The following HIPK2 variants were observed in gnomAD, a reference collection of about 807,000 sequenced individuals.
HIPK2 encodes homeodomain interacting protein kinase 2.
Under a neutral mutation model 113.7 loss-of-function variants are expected in HIPK2, and 27 were observed. The ratio of observed to expected loss-of-function variants is 0.24; its 90% CI spans 0.17 to 0.33. The LOEUF is 0.33. HIPK2 is among the 10% of genes least tolerant of loss of function. The probability of loss-of-function intolerance (pLI) is 1.00; values close to 1 mark genes in which losing one functional copy is unlikely to be tolerated. For synonymous variants in HIPK2, 631 were observed against 642.2 expected, an observed-to-expected ratio of 0.98 and a Z score of 0.26; for missense variants, 1,257 against 1,588.0, an observed-to-expected ratio of 0.79 and a Z score of 3.54.
chr7:139,685,563 T>A (rs1377507314), intron 2 of HIPK2, among the ~76,000 whole-genome samples: 1 of 152,190 alleles, frequency 6.6e-6, no homozygotes, highest in Admixed American at 6.5e-5. Flanking sequence ...GCTTCAAAGA[T>A]TCAAAGGACA....
At chr7:139,591,122 C>T (rs1219356701) in intron 12 of HIPK2, among the ~76,000 whole-genome samples, 1 of 152,204 alleles carries the variant, frequency 6.6e-6, no homozygotes, top group African/African-American at 2.4e-5. Flanking sequence ...GCTGGGATTC[C>T]AGGTGTGAGC....
At chr7:139,669,463 G>C (rs993804910) in intron 2 of HIPK2, among the ~76,000 whole-genome samples, 3 of 152,204 alleles carry the variant, frequency 2.0e-5, no homozygotes, top group Admixed American at 6.5e-5. Flanking sequence ...CTTGAATTCA[G>C]CCTTTCAAGA....
At chr7:139,726,047 G>A (rs1795566144) in intron 1 of HIPK2, among the ~76,000 whole-genome samples, 1 of 152,222 alleles carries the variant, frequency 6.6e-6, no homozygotes, top group Admixed American at 6.5e-5. Context: ...TGATAAAATA[G>A]TGGATGTCAA....
chr7:139,687,339 C>T (rs1246364728), intron 2 of HIPK2, among the ~76,000 whole-genome samples: 3 of 152,166 alleles, frequency 2.0e-5, no homozygotes, highest in Admixed American at 2.0e-4. Context: ...CACACAAAGA[C>T]TACACTACAG....
rs549291145 is a variant in HIPK2, at chr7:139,653,472, T to C, written c.1104-21747A>G. On this transcript the variant is annotated intron_variant, in intron 2 of 14. Coordinates refer to ENST00000406875, the MANE Select transcript of HIPK2 (RefSeq NM_022740.5). ...ACACCTCCCACACCGCCATCTCGTA[T>C]GGTAAAACTCTGACCCATGGACCTC... is the stretch of plus-strand genomic sequence containing the variant. Among the ~76,000 whole-genome samples the C allele has an allele frequency of 2.0e-3, 295 of 151,006 alleles. 1 individual carries two copies. The highest frequency in any genetic ancestry group is 3.1e-3 in the Non-Finnish European group (209 of 67,822).
chr7:139,602,644 G>A (rs1430233663), intron 10 of HIPK2, among the ~76,000 whole-genome samples: 2 of 151,984 alleles, frequency 1.3e-5, no homozygotes, highest in African/African-American at 2.4e-5. Context: ...AAACCCAGTT[G>A]GTCAGACAGC....
chr7:139,572,897 C>CAACCCAA lies in HIPK2; in HGVS notation c.*29_*30insTTGGGTT. On this transcript the variant is annotated 3_prime_UTR_variant, in exon 15 of 15. Coordinates refer to ENST00000406875, the MANE Select transcript of HIPK2 (RefSeq NM_022740.5). ...CCTCCTCCCTCGGGCCATTCTCTCC[C>CAACCCAA]TCCCTCCCTCCCTCCCTCCCCTCCA... The CAACCCAA allele has an allele frequency of 1.8e-6, 1 of 571,116 alleles. No individual in the cohort carries two copies. Among genetic ancestry groups the CAACCCAA allele is most frequent in the Non-Finnish European group, 3.2e-6 (1 of 308,982 alleles). 35.4% of individuals were successfully genotyped at this position (571,116 alleles called of 1,614,324 possible).
chr7:139,634,693 T>TTTTTTTTTG (rs1800748282), intron 2 of HIPK2, among the ~76,000 whole-genome samples: 1 of 147,514 alleles, frequency 6.8e-6, no homozygotes, highest in Non-Finnish European at 1.5e-5. Context: ...TTTTTTTTTT[T>TTTTTTTTTG]TTGAGACAGA....
chr7:139,774,733 T>C (rs753094733), intron 1 of HIPK2, among the ~76,000 whole-genome samples: 1 of 152,216 alleles, frequency 6.6e-6, no homozygotes, highest in African/African-American at 2.4e-5. Context: ...GAACCCATAA[T>C]AGAGACCTTG....
In HIPK2 at chr7:139,701,590, C is replaced by A. The variant is rs978124876; in HGVS notation, c.1103+14342G>T. The stretch of plus-strand genomic sequence containing the variant: ...CCTAGTCTAAGCCAAGGGTGGCAGG[C>A]CATTCGTGTTCACCGTACAACCAGT... On this transcript the variant is annotated intron_variant, in intron 2 of 14. Coordinates refer to ENST00000406875, the MANE Select transcript of HIPK2 (RefSeq NM_022740.5). Among the ~76,000 whole-genome samples the A allele has an allele frequency of 4.6e-5, 7 of 152,280 alleles. No individual in the cohort carries two copies. The East Asian group carries it at 9.6e-4, about 21-fold the overall frequency.
At chr7:139,753,714 G>C (rs138217252) in intron 1 of HIPK2, among the ~76,000 whole-genome samples, 212 of 152,320 alleles carry the variant, frequency 1.4e-3, no homozygotes, top group African/African-American at 4.8e-3. Flanking sequence ...GATCACTCAA[G>C]GGCTGGAGGG....
chr7:139,728,501 C>T (rs756585681), intron 1 of HIPK2, among the ~76,000 whole-genome samples: 23 of 152,162 alleles, frequency 1.5e-4, no homozygotes, highest in Non-Finnish European at 3.1e-4. Flanking sequence ...CTCTTCACAT[C>T]ATCTTCCCTC....
intron 1 of HIPK2, among the ~76,000 whole-genome samples, chr7:139,740,842 T>C (rs1379538534): frequency 2.0e-5 from 3 of 152,164 alleles, no homozygotes; most frequent in East Asian, 1.9e-4. Context: ...TGGACTAAAT[T>C]ACCAGGCAAA....
Position 139,563,068 on chromosome 7 carries a change from G to A in HIPK2, c.*9859C>T, listed in dbSNP as rs7812126. On this transcript the variant is annotated 3_prime_UTR_variant, in exon 15 of 15. Transcript: ENST00000406875. ...GAGCAGGAACACAAAAGGGAGGAGA[G>A]CAGAAACGGGGGACCGACTGACTCA... 1 of 147,690 alleles carries A rather than the reference G, an allele frequency of 6.8e-6. No individual in the cohort carries two copies. Among genetic ancestry groups the A allele is most frequent in the South Asian group, 2.2e-4 (1 of 4,492 alleles). The allele number at this position is 147,690 out of a possible 1,614,324, so 9.1% of individuals were successfully genotyped here.
chr7:139,661,062 G>A (rs113219278), intron 2 of HIPK2, among the ~76,000 whole-genome samples: 8,164 of 149,560 alleles, frequency 0.055, 278 homozygotes, highest in Non-Finnish European at 0.073. Context: ...TAGGGGTGGG[G>A]TGGGGTGGGG....
intron 1 of HIPK2, among the ~76,000 whole-genome samples, chr7:139,759,367 G>A (rs748106100): frequency 1.1e-4 from 17 of 152,270 alleles, no homozygotes; most frequent in Middle Eastern, 3.4e-3. Flanking sequence ...CCTACAGGAA[G>A]AATTTGTCAA....
intron 1 of HIPK2, among the ~76,000 whole-genome samples, chr7:139,754,060 C>T (rs893765185): frequency 4.6e-5 from 7 of 152,196 alleles, no homozygotes; most frequent in Non-Finnish European, 8.8e-5. Flanking sequence ...CAAAGGGAAG[C>T]GGGGGCTCGA....
chr7:139,683,728 T>C lies in HIPK2; in HGVS notation c.1103+32204A>G, dbSNP rs1215817770. ...GCAGGCAATGGCATGTCATACAGCT[T>C]CATGAGGGTTGGCTATGTCCTTTCC... On this transcript the variant is annotated intron_variant, in intron 2 of 14. Transcript: ENST00000406875. The surrounding 1 kb of genome is among the most constrained non-coding windows in gnomAD (Gnocchi z 4.2). 1.3e-5 allele frequency among the ~76,000 whole-genome samples: 2 copies of C among 152,132 alleles called. No individual in the cohort carries two copies. The highest frequency in any genetic ancestry group is 4.8e-5 in the African/African-American group (2 of 41,424).
chr7:139,680,595 C>T (rs1802666900), intron 2 of HIPK2, among the ~76,000 whole-genome samples: 2 of 152,144 alleles, frequency 1.3e-5, no homozygotes, highest in African/African-American at 4.8e-5. Flanking sequence ...GGATTGTGTC[C>T]AAAACTGGCT....
Sources: gnomAD v4.1 joint callset for allele counts (sites outside exome capture counted in the v4.1 genomes callset) on GRCh38, gnomAD v4.1.1 for gene constraint, Gnocchi (gnomAD v3.1) non-coding constraint, MANE v1.5 for transcripts, NCBI Gene and HGNC (gene_info 2026-07-23, HGNC 2026-07-21) for gene names.